The following BDH1 variants were observed in gnomAD, a reference collection of about 807,000 sequenced individuals.
BDH1 encodes the protein D-beta-hydroxybutyrate dehydrogenase, mitochondrial.
In BDH1, 30 loss-of-function variants were observed where a neutral mutation model predicts 33.1. The ratio of observed to expected loss-of-function variants is 0.91; its 90% CI spans 0.68 to 1.23. The LOEUF is 1.23. Among genes scored for constraint, BDH1 ranks in the 50% most tolerant of loss-of-function variants. The pLI, the probability that BDH1 is intolerant of heterozygous loss-of-function variation, is 0.00. For missense variants in BDH1, 443 were observed against 464.4 expected (o/e 0.95, Z 0.42); for synonymous variants, 190 against 183.6 (o/e 1.03, Z -0.28).
chr3:197,553,527 CA>C (rs750811753), intron 2 of BDH1, among the ~76,000 whole-genome samples: 29,608 of 96,850 alleles, frequency 0.31, 3,006 homozygotes, highest in African/African-American at 0.38. Flanking sequence ...GACTCTGTCT[CA>C]AAAAAAAAAA....
intron 1 of BDH1, among the ~76,000 whole-genome samples, chr3:197,568,047 C>G (rs1320237640): frequency 6.6e-6 from 1 of 152,160 alleles, no homozygotes; most frequent in Non-Finnish European, 1.5e-5. Flanking sequence ...GGATCTGGCC[C>G]TGCCCGGGGT....
At chr3:197,545,254 T>G (rs904781197) in intron 3 of BDH1, among the ~76,000 whole-genome samples, 1 of 152,166 alleles carries the variant, frequency 6.6e-6, no homozygotes, top group African/African-American at 2.4e-5. Flanking sequence ...GAAAAGGCAA[T>G]TCCAGAAGCT....
chr3:197,566,770 C>T (rs1018168783), intron 1 of BDH1, among the ~76,000 whole-genome samples: 2 of 152,068 alleles, frequency 1.3e-5, no homozygotes, highest in Admixed American at 6.6e-5. Flanking sequence ...AAAGTTTGAA[C>T]TGAATTCTAA....
At chr3:197,539,774 C>T (rs902306016) in intron 3 of BDH1, among the ~76,000 whole-genome samples, 3 of 152,200 alleles carry the variant, frequency 2.0e-5, no homozygotes, top group Admixed American at 6.5e-5. Context: ...ATTTCCTCTC[C>T]GGCCCAACCA....
At chr3:197,513,141 G>T (rs1025634587) in intron 7 of BDH1, among the ~76,000 whole-genome samples, 1 of 152,220 alleles carries the variant, frequency 6.6e-6, no homozygotes, top group Non-Finnish European at 1.5e-5. Flanking sequence ...GGAGAGTGTG[G>T]TGATCCCCCT....
chr3:197,545,420 C>T lies in BDH1; in HGVS notation c.83+941G>A, dbSNP rs756106954. ...TATCAAAATAATGTACCTCCTGGCA[C>T]GACGGGCTGAGAAAAGCACCGCTTC... is the stretch of plus-strand genomic sequence containing the variant. On this transcript the variant is annotated intron_variant, in intron 3 of 7. Transcript: ENST00000392379. Among the ~76,000 whole-genome samples the T allele has an allele frequency of 7.2e-5, 11 of 152,250 alleles. No homozygotes were observed. In the East Asian group the frequency reaches 9.6e-4, roughly 13 times the overall value.
upstream of BDH1, among the ~76,000 whole-genome samples, chr3:197,556,296 C>G (rs907283494): frequency 6.6e-6 from 1 of 152,260 alleles, no homozygotes; most frequent in Non-Finnish European, 1.5e-5. Flanking sequence ...GGAAGAGGCT[C>G]TTTCCAGGTC....
rs1214459917 is a variant in BDH1 at position 197,520,273 on chromosome 3, C to T, written c.409+2367G>A. The stretch of plus-strand genomic sequence containing the variant: ...TACTGTTTTCTTCAGACCTAAAAGT[C>T]TTCAAATCCTTTTCCAAAAAAAAAA... On this transcript the variant is annotated intron_variant, in intron 6 of 7. Transcript: ENST00000392379. The surrounding 1 kb of genome is among the most constrained non-coding windows in gnomAD (Gnocchi z 6.0). Among the ~76,000 whole-genome samples, 3 of 151,730 alleles carry T rather than the reference C, an allele frequency of 2.0e-5. No individual in the cohort carries two copies. The highest frequency in any genetic ancestry group is 7.3e-5 in the African/African-American group (3 of 41,262).
At chr3:197,513,130 G>A (rs980208226) in intron 7 of BDH1, among the ~76,000 whole-genome samples, 1 of 152,242 alleles carries the variant, frequency 6.6e-6, no homozygotes, top group African/African-American at 2.4e-5. Flanking sequence ...CCTGGGCACT[G>A]GGAGAGTGTG....
intron 6 of BDH1, chr3:197,515,672 C>A: frequency 1.0e-6 from 1 of 985,606 alleles, no homozygotes; most frequent in Non-Finnish European, 1.2e-6. Flanking sequence ...TTTCCATATC[C>A]CGAAGATCCT....
Position 197,514,212 on chromosome 3 carries a change from T to C in BDH1, c.562+52A>G, listed in dbSNP as rs1435646249. 2 of 1,569,540 alleles carry C rather than the reference T, an allele frequency of 1.3e-6. No individual in the cohort carries two copies. The highest frequency in any genetic ancestry group is 1.8e-5 in the Admixed American group (1 of 55,796). ...CAGGTATTTCCATTCTGAGCAAAGATGAACACGTGGGGCAGGTTCAGGGGC... is the reference window on the plus strand; with the variant it reads ...CAGGTATTTCCATTCTGAGCAAAGACGAACACGTGGGGCAGGTTCAGGGGC... On this transcript the variant is annotated intron_variant, in intron 7 of 7. Coordinates refer to ENST00000392379, the MANE Select transcript of BDH1 (RefSeq NM_203314.3). This position sits in a 1 kb window ranked among gnomAD's most constrained non-coding sequence, Gnocchi z 4.2.
chr3:197,560,163 C>T (rs187282849), upstream of BDH1, among the ~76,000 whole-genome samples: 80 of 152,292 alleles, frequency 5.3e-4, no homozygotes, highest in African/African-American at 1.9e-3. Context: ...AAAGACTTTC[C>T]TCCCCTCTAA....
Position 197,514,055 on chromosome 3 carries a change from C to G in BDH1, c.562+209G>C, listed in dbSNP as rs140948915. 9.4e-4 allele frequency: 562 copies of G among 595,118 alleles called. 1 individual carries two copies. The highest frequency in any genetic ancestry group is 5.3e-3 in the South Asian group (204 of 38,618). The allele number at this position is 595,118 out of a possible 1,614,324, so 36.9% of individuals were successfully genotyped here. A position where few individuals can be genotyped will look rare whatever the true frequency, so the allele number is the denominator to read the frequency against. On this transcript the variant is annotated intron_variant, in intron 7 of 7. Transcript: ENST00000392379. This position sits in a 1 kb window ranked among gnomAD's most constrained non-coding sequence, Gnocchi z 4.2. ...AGCTTTTGCTGCATGGACCACTGACCTCTTACCTGCTCTGCTTCCTCCTCC... is the reference window on the plus strand; with the variant it reads ...AGCTTTTGCTGCATGGACCACTGACGTCTTACCTGCTCTGCTTCCTCCTCC...
chr3:197,557,154 T>TG (rs138332230), upstream of BDH1, among the ~76,000 whole-genome samples: 80 of 152,366 alleles, frequency 5.3e-4, no homozygotes, highest in African/African-American at 1.9e-3. The surrounding 1 kb of genome is among the most constrained non-coding windows in gnomAD (Gnocchi z 4.6). Context: ...ACTGAGCCAA[T>TG]GTTCATCTTA....
rs1259589349 is a variant in BDH1 at position 197,514,671 on chromosome 3, C to T, written c.410-255G>A. Among the ~76,000 whole-genome samples, 1 of 152,162 alleles carries T rather than the reference C, an allele frequency of 6.6e-6. No individual in the cohort carries two copies. The highest frequency in any genetic ancestry group is 6.5e-5 in the Admixed American group (1 of 15,278). On this transcript the variant is annotated intron_variant, in intron 6 of 7. Transcript: ENST00000392379. The surrounding 1 kb of genome is among the most constrained non-coding windows in gnomAD (Gnocchi z 4.2). The stretch of plus-strand genomic sequence containing the variant: ...ATCTGCCTGGCTCGAGTCTCTGGGC[C>T]CATCATGACCCAGCCTGCCGTGTCC...
rs1039957532 is a variant in BDH1 at position 197,540,077 on chromosome 3, G to A, written c.83+6284C>T. Among the ~76,000 whole-genome samples, 4 of 151,762 alleles carry A rather than the reference G, an allele frequency of 2.6e-5. No individual in the cohort carries two copies. In the South Asian group the frequency reaches 6.2e-4, roughly 24 times the overall value. ...CTTAGCACTTTTTTTTTTAGACAGC[G>A]TCTCTCTCTTTCACCCAGACTGGAG... On this transcript the variant is annotated intron_variant, in intron 3 of 7. Coordinates refer to ENST00000392379, the MANE Select transcript of BDH1 (RefSeq NM_203314.3).
chr3:197,546,479 C>T lies in BDH1; in HGVS notation c.-36G>A, dbSNP rs376139093. The T allele has an allele frequency of 8.0e-5, 128 of 1,603,288 alleles. No individual in the cohort carries two copies. In the African/African-American group the frequency reaches 9.3e-4, roughly 12 times the overall value. On this transcript the variant is annotated 5_prime_UTR_variant, in exon 3 of 8. Coordinates refer to ENST00000392379, the MANE Select transcript of BDH1 (RefSeq NM_203314.3). ...GGTGTTAGAATGGCCCAGTTCCTCC[C>T]GGTGGTTCTGAAACATAAATGCACC...
intron 3 of BDH1, among the ~76,000 whole-genome samples, chr3:197,541,245 T>C (rs1051769128): frequency 1.3e-5 from 2 of 152,028 alleles, no homozygotes; most frequent in African/African-American, 2.4e-5. Context: ...TCTGATTCAG[T>C]AGGAAGGGGT....
At position 197,566,561 on chromosome 3, in the gene BDH1, C is replaced by G. The variant is rs138133472; in HGVS notation, c.-44+6620G>C. Among the ~76,000 whole-genome samples, 1,169 of 151,618 alleles carry G rather than the reference C, an allele frequency of 7.7e-3. 19 individuals carry two copies. The highest frequency in any genetic ancestry group is 0.027 in the African/African-American group (1,116 of 41,326). On this transcript the variant is annotated intron_variant, in intron 1 of 6. Coordinates refer to the BDH1 transcript ENST00000358186. ...AGTTCCATCAAAGCCAATTTAAAAGCCTATGTAAAAAAATAATTACTCTGG... is the reference window on the plus strand; with the variant it reads ...AGTTCCATCAAAGCCAATTTAAAAGGCTATGTAAAAAAATAATTACTCTGG...
Sources: allele counts gnomAD v4.1 joint callset (sites outside exome capture counted in the v4.1 genomes callset), GRCh38; gene constraint gnomAD v4.1.1; non-coding constraint Gnocchi (gnomAD v3.1); transcripts MANE v1.5; gene names NCBI Gene and HGNC (gene_info 2026-07-23, HGNC 2026-07-21).